The following PARD3B variants were observed in gnomAD, a reference collection of about 807,000 sequenced individuals.
PARD3B encodes the protein partitioning defective 3 homolog B.
PARD3B carries 103 observed loss-of-function variants against 130.2 expected under a neutral mutation model. The observed-to-expected ratio is 0.79, with a 90% CI of 0.67 to 0.93. The LOEUF is 0.93. Ranked by LOEUF, PARD3B falls within the 40% of genes least tolerant of loss-of-function variation. PARD3B has a pLI of 0.00. For missense variants in PARD3B, 1,609 were observed against 1,499.2 expected, an observed-to-expected ratio of 1.07 and a Z score of -1.21; for synonymous variants, 583 against 553.2, an observed-to-expected ratio of 1.05 and a Z score of -0.76.
intron 2 of PARD3B, among the ~76,000 whole-genome samples, chr2:204,911,918 T>TA (rs139641848): frequency 8.6e-5 from 13 of 151,968 alleles, no homozygotes; most frequent in African/African-American, 2.2e-4. Flanking sequence ...AAAATGAAAC[T>TA]AAAAAAAACA....
chr2:205,017,425 G>A (rs569502856), intron 3 of PARD3B, among the ~76,000 whole-genome samples: 2 of 152,134 alleles, frequency 1.3e-5, no homozygotes, highest in African/African-American at 4.8e-5. Flanking sequence ...TTTTCTGGTC[G>A]AGGACATGAT....
rs2043520598 is a variant in PARD3B, at chr2:205,341,291, G to A, written c.2630+39590G>A. 6.6e-6 allele frequency among the ~76,000 whole-genome samples: 1 copy of A among 151,948 alleles called. No homozygotes were observed. Among genetic ancestry groups the A allele is most frequent in the Non-Finnish European group, 1.5e-5 (1 of 67,942 alleles). ...GTATATCAAAGGGATACCTGCACCC[G>A]CATGTTTAATGCATCACTGTTCACA... On this transcript the variant is annotated intron_variant, in intron 18 of 22. Transcript: ENST00000406610. The surrounding 1 kb of genome is among the most constrained non-coding windows in gnomAD (Gnocchi z 4.3).
intron 15 of PARD3B, among the ~76,000 whole-genome samples, chr2:205,238,555 G>C (rs955772015): frequency 5.9e-5 from 9 of 152,008 alleles, no homozygotes; most frequent in African/African-American, 2.2e-4. Context: ...TTCTGGGCTG[G>C]GTGCGGTGGC....
At chr2:204,575,034 GT>G (rs34674668) in intron 1 of PARD3B, among the ~76,000 whole-genome samples, 130,795 of 151,772 alleles carry the variant, frequency 0.86, 56,701 homozygotes, top group Middle Eastern at 0.94. Context: ...CTTTGCTGAT[GT>G]TTTTTTTTCT....
chr2:205,494,230 T>C (rs182973302), intron 20 of PARD3B, among the ~76,000 whole-genome samples: 1 of 152,278 alleles, frequency 6.6e-6, no homozygotes, highest in East Asian at 1.9e-4. Context: ...AAATCAACTA[T>C]ATACAACTGA....
chr2:204,830,298 G>C (rs1559179289), intron 2 of PARD3B, among the ~76,000 whole-genome samples: 1 of 152,192 alleles, frequency 6.6e-6, no homozygotes, highest in Non-Finnish European at 1.5e-5. Flanking sequence ...TTGGTCCCAA[G>C]TAGAAGGCCT....
chr2:205,041,546 C>A (rs1031646795), intron 3 of PARD3B, among the ~76,000 whole-genome samples: 2 of 152,084 alleles, frequency 1.3e-5, no homozygotes, highest in Admixed American at 1.3e-4. Context: ...CTCCACGTTG[C>A]CCTTCTAGCC....
intron 3 of PARD3B, among the ~76,000 whole-genome samples, chr2:205,007,939 T>C (rs1695409599): frequency 6.6e-6 from 1 of 152,226 alleles, no homozygotes; most frequent in Admixed American, 6.5e-5. Context: ...GGGTATTTTA[T>C]ATTTTTGGAG....
chr2:205,488,113 T>C (rs1277476226), intron 20 of PARD3B, among the ~76,000 whole-genome samples: 1 of 152,200 alleles, frequency 6.6e-6, no homozygotes, highest in Admixed American at 6.5e-5. Flanking sequence ...AGTGGAGTCA[T>C]GTCTTAAACA....
At chr2:205,206,512 C>G (rs2037319956) in intron 15 of PARD3B, among the ~76,000 whole-genome samples, 1 of 151,106 alleles carries the variant, frequency 6.6e-6, no homozygotes, top group African/African-American at 2.4e-5. Context: ...TGATGATTTC[C>G]AATTTCATCC....
chr2:204,761,155 A>G (rs1315120191), intron 2 of PARD3B, among the ~76,000 whole-genome samples: 5 of 152,210 alleles, frequency 3.3e-5, no homozygotes, highest in Admixed American at 1.3e-4. Context: ...CCTAACTCCA[A>G]TGTCCACAAT....
At position 205,230,045 on chromosome 2, in the gene PARD3B, G is replaced by A. The variant is rs1471469590; in HGVS notation, c.2141-15733G>A. ...CTGGGACTCTCTCTTCAGGGCAGTG[G>A]GCTCTCCTCTGGCCCAGGGCAGATC... On this transcript the variant is annotated intron_variant, in intron 15 of 22. Coordinates refer to ENST00000406610, the MANE Select transcript of PARD3B (RefSeq NM_001302769.2). The surrounding 1 kb of genome is among the most constrained non-coding windows in gnomAD (Gnocchi z 4.1). Among the ~76,000 whole-genome samples, 2 of 151,860 alleles carry A rather than the reference G, an allele frequency of 1.3e-5. No homozygotes were observed. Among genetic ancestry groups the A allele is most frequent in the Non-Finnish European group, 1.5e-5 (1 of 68,006 alleles).
intron 4 of PARD3B, among the ~76,000 whole-genome samples, chr2:205,055,674 T>C (rs1699585576): frequency 6.6e-6 from 1 of 152,150 alleles, no homozygotes; most frequent in Non-Finnish European, 1.5e-5. Flanking sequence ...TAGGGACTTA[T>C]CCATCCAAAC....
chr2:205,519,654 T>C (rs1417370716), intron 21 of PARD3B, among the ~76,000 whole-genome samples: 3 of 152,242 alleles, frequency 2.0e-5, no homozygotes, highest in Non-Finnish European at 2.9e-5. Flanking sequence ...TATGGTACTC[T>C]GGCCATTTGA....
At chr2:204,651,800 C>T (rs2035487276) in intron 1 of PARD3B, among the ~76,000 whole-genome samples, 2 of 152,214 alleles carry the variant, frequency 1.3e-5, no homozygotes, top group Non-Finnish European at 1.5e-5. Flanking sequence ...TATCTGAAAT[C>T]TAGGCAGAGG....
chr2:205,524,998 A>T (rs113705692), intron 21 of PARD3B, among the ~76,000 whole-genome samples: 22 of 152,296 alleles, frequency 1.4e-4, no homozygotes, highest in African/African-American at 4.3e-4. Context: ...TCAGAATTTG[A>T]TACCCATCAA....
intron 8 of PARD3B, among the ~76,000 whole-genome samples, chr2:205,123,496 AG>A (rs1257733068): frequency 6.6e-6 from 1 of 152,112 alleles, no homozygotes; most frequent in Non-Finnish European, 1.5e-5. Context: ...CAAGGCAGGG[AG>A]TCTAGGGGAC....
In PARD3B at chr2:204,770,468, A is replaced by G. The variant is rs1032017494; in HGVS notation, c.222+84186A>G. Among the ~76,000 whole-genome samples, 82 of 151,212 alleles carry G rather than the reference A, an allele frequency of 5.4e-4. 1 individual carries two copies. Among genetic ancestry groups the G allele is most frequent in the African/African-American group, 2.0e-3 (81 of 41,146 alleles). ...TAGGTGTGGTGTGGTGCTGAAAAAA[A>G]TGTATATTCTGTTGATTTGGGGTGG... On this transcript the variant is annotated intron_variant, in intron 2 of 22. Coordinates refer to ENST00000406610, the MANE Select transcript of PARD3B (RefSeq NM_001302769.2).
intron 16 of PARD3B, among the ~76,000 whole-genome samples, chr2:205,259,978 T>G (rs1227486848): frequency 6.6e-6 from 1 of 152,162 alleles, no homozygotes; most frequent in Non-Finnish European, 1.5e-5. Flanking sequence ...TTTTTACTAA[T>G]TTGTGCATAA....
Sources: gnomAD v4.1 joint callset for allele counts (sites outside exome capture counted in the v4.1 genomes callset) on GRCh38, gnomAD v4.1.1 for gene constraint, Gnocchi (gnomAD v3.1) non-coding constraint, MANE v1.5 for transcripts, NCBI Gene and HGNC (gene_info 2026-07-23, HGNC 2026-07-21) for gene names.